ADK: variants seen among roughly 807,000 people sequenced by gnomAD.
ADK encodes the protein N6,N6-dimethyladenosine kinase.
In ADK, 24 loss-of-function variants were observed where a neutral mutation model predicts 44.7. The ratio of observed to expected loss-of-function variants is 0.54; its 90% CI spans 0.39 to 0.76. The LOEUF (loss-of-function observed/expected upper bound fraction) is 0.76, where lower values mean the gene tolerates loss of function less well. Ranked by LOEUF, ADK falls within the 30% of genes least tolerant of loss-of-function variation. The pLI is 0.00. For missense variants in ADK, 321 were observed against 425.1 expected (o/e 0.76, Z 2.15); for synonymous variants, 128 against 142.6 (o/e 0.90, Z 0.73).
At chr10:74,431,795 G>GAGCAAGACTCTATCTCAGTCAATCA (rs1845010038) in intron 6 of ADK, among the ~76,000 whole-genome samples, 4 of 152,148 alleles carry the variant, frequency 2.6e-5, no homozygotes, top group Admixed American at 1.3e-4. Context: ...CTGGACAACA[G>GAGCAAGACTCTATCTCAGTCAATCA]AGCAAGACTC....
Position 74,456,867 on chromosome 10 carries a change from A to G in ADK, c.555+58288A>G, listed in dbSNP as rs115268372. Among the ~76,000 whole-genome samples, 791 of 152,254 alleles carry G rather than the reference A, an allele frequency of 5.2e-3. 11 individuals are homozygous for G. Among genetic ancestry groups the G allele is most frequent in the African/African-American group, 0.017 (721 of 41,556 alleles). Reference sequence around the variant, plus strand: ...GAAATTTATAGCACTAAATGCCCTCAGGAGAAAACTGGAAAGATCTAAAAT... The same window carrying G: ...GAAATTTATAGCACTAAATGCCCTCGGGAGAAAACTGGAAAGATCTAAAAT... On this transcript the variant is annotated intron_variant, in intron 6 of 10. Transcript: ENST00000539909.
At chr10:74,371,472 C>T in intron 4 of ADK, 2 of 658,744 alleles carry the variant, frequency 3.0e-6, no homozygotes, top group Non-Finnish European at 5.4e-6. Context: ...ACACTACCCA[C>T]ATAGACGTCC....
intron 7 of ADK, among the ~76,000 whole-genome samples, chr10:74,558,028 T>A (rs546335310): frequency 2.6e-5 from 4 of 152,146 alleles, no homozygotes; most frequent in Non-Finnish European, 5.9e-5. Context: ...CAAGCCACGA[T>A]GCACTGGGTC....
chr10:74,586,772 T>G (rs1293431213), intron 7 of ADK, among the ~76,000 whole-genome samples: 2 of 151,814 alleles, frequency 1.3e-5, no homozygotes, highest in Non-Finnish European at 2.9e-5. Flanking sequence ...GAGAATACCT[T>G]TAACCCAGGA....
intron 1 of ADK, among the ~76,000 whole-genome samples, chr10:74,183,598 C>T (rs1231025327): frequency 2.6e-5 from 4 of 151,876 alleles, no homozygotes; most frequent in Non-Finnish European, 5.9e-5. Flanking sequence ...GCAACCTCCA[C>T]TTCCCAGGTT....
intron 4 of ADK, among the ~76,000 whole-genome samples, chr10:74,323,164 ACT>A (rs1840876775): frequency 6.6e-6 from 1 of 152,138 alleles, no homozygotes; most frequent in African/African-American, 2.4e-5. Flanking sequence ...AGGGGATAAA[ACT>A]CTATTCCTTT....
chr10:74,494,542 A>G (rs575982677), intron 6 of ADK, among the ~76,000 whole-genome samples: 1 of 152,310 alleles, frequency 6.6e-6, no homozygotes, highest in South Asian at 2.1e-4. Context: ...TTCCATACAC[A>G]TATCTTCCAA....
At chr10:74,289,679 C>G (rs1329151834) in intron 3 of ADK, among the ~76,000 whole-genome samples, 1 of 151,984 alleles carries the variant, frequency 6.6e-6, no homozygotes, top group Non-Finnish European at 1.5e-5. Flanking sequence ...TAATTTTTCT[C>G]TTAAAAGTGG....
chr10:74,420,660 T>C (rs1287456615), intron 6 of ADK, among the ~76,000 whole-genome samples: 2 of 152,132 alleles, frequency 1.3e-5, no homozygotes, highest in Non-Finnish European at 2.9e-5. Flanking sequence ...GATCTCATAA[T>C]CTTGCATGTT....
At chr10:74,494,015 G>A (rs907920927) in intron 6 of ADK, among the ~76,000 whole-genome samples, 1 of 152,096 alleles carries the variant, frequency 6.6e-6, no homozygotes, top group Non-Finnish European at 1.5e-5. Flanking sequence ...GAGAAACTTA[G>A]AGACATGGTA....
intron 4 of ADK, among the ~76,000 whole-genome samples, chr10:74,331,232 A>G (rs1841207473): frequency 6.6e-6 from 1 of 152,200 alleles, no homozygotes; most frequent in Non-Finnish European, 1.5e-5. Flanking sequence ...ATTTAATTTT[A>G]TATACCACAA....
At chr10:74,211,456 A>AT (rs1332610625) in intron 2 of ADK, among the ~76,000 whole-genome samples, 3 of 152,308 alleles carry the variant, frequency 2.0e-5, no homozygotes, top group African/African-American at 4.8e-5. Flanking sequence ...GGTTAGGCTG[A>AT]TTTTTTTAAA....
intron 7 of ADK, among the ~76,000 whole-genome samples, chr10:74,545,842 A>G (rs1849803375): frequency 6.6e-6 from 1 of 152,246 alleles, no homozygotes; most frequent in Non-Finnish European, 1.5e-5. Context: ...AGTGGGTATT[A>G]GTACTAATTT....
In ADK at chr10:74,580,344, G is replaced by A. The variant is rs139256473; in HGVS notation, c.727-8938G>A. ...TAATCCCAGCATTTTGGGAGTCCAAGGCAGGTGGATCACTTGAGGTCAGGA... is the reference window on the plus strand; with the variant it reads ...TAATCCCAGCATTTTGGGAGTCCAAAGCAGGTGGATCACTTGAGGTCAGGA... On this transcript the variant is annotated intron_variant, in intron 7 of 10. Transcript: ENST00000539909. Among the ~76,000 whole-genome samples the A allele has an allele frequency of 2.4e-4, 36 of 152,216 alleles. 1 individual carries two copies. Among genetic ancestry groups the A allele is most frequent in the Middle Eastern group, 6.8e-3 (2 of 294 alleles).
intron 1 of ADK, among the ~76,000 whole-genome samples, chr10:74,197,388 C>T (rs1196659831): frequency 6.6e-6 from 1 of 152,132 alleles, no homozygotes; most frequent in African/African-American, 2.4e-5. Flanking sequence ...TTAAGTCTCC[C>T]AGCAAGCTAC....
intron 9 of ADK, chr10:74,655,864 C>A (rs1564838874): frequency 1.7e-6 from 1 of 584,796 alleles, no homozygotes; most frequent in East Asian, 3.5e-5. Flanking sequence ...GACCAGGAAG[C>A]CAGGCTGGCA....
intron 9 of ADK, among the ~76,000 whole-genome samples, chr10:74,627,032 C>T (rs1853229017): frequency 6.6e-6 from 1 of 152,218 alleles, no homozygotes; most frequent in South Asian, 2.1e-4. Context: ...GAAGGATCTA[C>T]ATTGCTATTT....
intron 1 of ADK, among the ~76,000 whole-genome samples, chr10:74,190,359 A>C (rs1250474390): frequency 3.3e-5 from 5 of 152,158 alleles, no homozygotes; most frequent in Admixed American, 3.3e-4. Flanking sequence ...GCCGAGCTTC[A>C]TGCTCAGTCA....
chr10:74,532,406 A>G (rs1468366425), intron 7 of ADK, among the ~76,000 whole-genome samples: 1 of 146,168 alleles, frequency 6.8e-6, no homozygotes, highest in African/African-American at 2.5e-5. Context: ...TGAACTGGGG[A>G]GGCAGAGGTT....
Sources: allele counts gnomAD v4.1 joint callset (sites outside exome capture counted in the v4.1 genomes callset), GRCh38; gene constraint gnomAD v4.1.1; transcripts MANE v1.5; gene names NCBI Gene and HGNC (gene_info 2026-07-23, HGNC 2026-07-21).